The following DACH2 variants were observed in gnomAD, a reference collection of about 807,000 sequenced individuals.
The protein encoded by DACH2 is dachshund family transcription factor 2.
In DACH2, 17 loss-of-function variants were observed where a neutral mutation model predicts 35.8. The observed-to-expected ratio is 0.48, with a 90% CI of 0.33 to 0.71. DACH2 has a LOEUF of 0.71. DACH2 is among the 30% of genes least tolerant of loss of function. The pLI is 0.02. For missense variants in DACH2, 469 were observed against 472.7 expected (o/e 0.99, Z 0.07); for synonymous variants, 195 against 177.3 (o/e 1.10, Z -0.79).
intron 3 of DACH2, among the ~76,000 whole-genome samples, chrX:86,578,611 G>A (rs778156016): frequency 9.0e-6 from 1 of 111,603 alleles, no homozygotes; most frequent in Admixed American, 9.5e-5. Context: ...CTGGTAGGTC[G>A]TTCCTTTTGT....
At chrX:86,154,455 T>C (rs2030474991) in intron 1 of DACH2, among the ~76,000 whole-genome samples, 1 of 111,495 alleles carries the variant, frequency 9.0e-6, no homozygotes, top group South Asian at 3.7e-4. Context: ...CCTTTCACCA[T>C]CTCAACCTGC....
chrX:86,714,713 T>C lies in DACH2; in HGVS notation c.1097T>C (p.Val366Ala). 2.6e-6 allele frequency: 3 copies of C among 1,167,258 alleles called. No individual in the cohort carries two copies. ...HSPLSRAGTSVIKERIPESPS... is the reference protein window; with the variant it reads ...HSPLSRAGTSAIKERIPESPS... ...CCACTCTCCAGAGCTGGTACCTCTG[T>C]TATAAAGGTAAGAATCGTGATTTAG... Residue 366 changes from valine (V) to alanine (A), a missense_variant, in exon 6 of 12, where the codon GTT (valine) becomes GCT (alanine). Coordinates refer to ENST00000373125, the MANE Select transcript of DACH2 (RefSeq NM_053281.3).
intron 3 of DACH2, among the ~76,000 whole-genome samples, chrX:86,594,114 T>C (rs2039683131): frequency 8.9e-6 from 1 of 112,031 alleles, no homozygotes; most frequent in Non-Finnish European, 1.9e-5. Context: ...TTCACCTATG[T>C]TATCAAATTT....
chrX:86,757,949 T>C (rs1376832392), intron 7 of DACH2, among the ~76,000 whole-genome samples: 1 of 112,163 alleles, frequency 8.9e-6, no homozygotes, highest in Non-Finnish European at 1.9e-5. Flanking sequence ...TCATTATGGG[T>C]CTGTTCAGCT....
chrX:86,527,057 G>T (rs1189686220), intron 3 of DACH2, among the ~76,000 whole-genome samples: 1 of 110,837 alleles, frequency 9.0e-6, no homozygotes, highest in East Asian at 2.9e-4. Flanking sequence ...ATATTAAATT[G>T]AGGTGAGGGT....
intron 3 of DACH2, among the ~76,000 whole-genome samples, chrX:86,592,331 G>A (rs185505697): frequency 4.8e-4 from 53 of 111,452 alleles, no homozygotes; most frequent in Non-Finnish European, 9.2e-4. Flanking sequence ...ATATTTGTGT[G>A]GGTCTATTTC....
chrX:86,413,528 G>C (rs751287006), intron 2 of DACH2, among the ~76,000 whole-genome samples: 7 of 112,131 alleles, frequency 6.2e-5, no homozygotes, highest in South Asian at 7.5e-4. Flanking sequence ...ATATCCATTT[G>C]TCTTCTGCAC....
intron 6 of DACH2, among the ~76,000 whole-genome samples, chrX:86,716,393 A>G (rs1040545398): frequency 8.9e-6 from 1 of 111,813 alleles, no homozygotes; most frequent in Admixed American, 9.5e-5. Context: ...TTGTGAAATT[A>G]TATTAAAAAG....
intron 2 of DACH2, among the ~76,000 whole-genome samples, chrX:86,505,764 G>C (rs933774058): frequency 1.8e-5 from 2 of 111,439 alleles, no homozygotes; most frequent in Admixed American, 9.6e-5. Context: ...ATTTTCCATA[G>C]GACCAATCCT....
chrX:86,310,313 G>A (rs1033477153), intron 1 of DACH2, among the ~76,000 whole-genome samples: 1 of 111,756 alleles, frequency 8.9e-6, no homozygotes, highest in Non-Finnish European at 1.9e-5. Context: ...GGAGGCACAA[G>A]TAAATTACAT....
intron 7 of DACH2, among the ~76,000 whole-genome samples, chrX:86,788,305 T>C (rs1394077549): frequency 5.4e-5 from 6 of 110,787 alleles, no homozygotes; most frequent in Non-Finnish European, 1.1e-4. Flanking sequence ...TTTCTATCTA[T>C]TGGGAGACTG....
At position 86,676,729 on chromosome X, in the gene DACH2, T is replaced by C. The variant is rs1027662713; in HGVS notation, c.773-18292T>C. 2.7e-5 allele frequency among the ~76,000 whole-genome samples: 3 copies of C among 112,158 alleles called. No individual in the cohort carries two copies. The East Asian group carries it at 8.4e-4, about 31-fold the overall frequency. On this transcript the variant is annotated intron_variant, in intron 4 of 11. Transcript: ENST00000373125. ...CCATAAAGAGTCCTCATACTGCATG[T>C]ATATGCCTGAATTGATCAACATTTG... is the stretch of plus-strand genomic sequence containing the variant.
intron 7 of DACH2, among the ~76,000 whole-genome samples, chrX:86,802,978 AAT>A (rs2042309146): frequency 8.9e-6 from 1 of 112,039 alleles, no homozygotes; most frequent in African/African-American, 3.2e-5. Context: ...GCACTCATAA[AAT>A]GTTATTTTTT....
At chrX:86,215,600 C>T (rs752336498) in intron 1 of DACH2, among the ~76,000 whole-genome samples, 1 of 97,125 alleles carries the variant, frequency 1.0e-5, no homozygotes, top group African/African-American at 3.4e-5. Context: ...TACCTAGTTT[C>T]CTTTGATTGA....
intron 1 of DACH2, among the ~76,000 whole-genome samples, chrX:86,290,757 G>T (rs1277382475): frequency 1.1e-5 from 1 of 94,973 alleles, no homozygotes; most frequent in Non-Finnish European, 2.0e-5. Context: ...ATTTCTGAGG[G>T]CTCTGTTCTG....
At chrX:86,588,190 C>CT (rs1483883925) in intron 3 of DACH2, among the ~76,000 whole-genome samples, 1 of 110,232 alleles carries the variant, frequency 9.1e-6, no homozygotes, top group African/African-American at 3.3e-5. Flanking sequence ...GGGGTGCAGC[C>CT]TTTTTTCTAG....
At chrX:86,722,709 A>G (rs1378969219) in intron 6 of DACH2, among the ~76,000 whole-genome samples, 3 of 111,007 alleles carry the variant, frequency 2.7e-5, no homozygotes, top group Non-Finnish European at 5.7e-5. Flanking sequence ...ATCATTATAT[A>G]TTATCTTTTT....
chrX:86,284,470 A>G (rs2034104424), intron 1 of DACH2, among the ~76,000 whole-genome samples: 1 of 111,203 alleles, frequency 9.0e-6, no homozygotes, highest in Non-Finnish European at 1.9e-5. Context: ...TTTTACGTTT[A>G]TTGTTGAATT....
intron 2 of DACH2, among the ~76,000 whole-genome samples, chrX:86,407,997 G>A (rs774971770): frequency 9.0e-6 from 1 of 110,911 alleles, no homozygotes; most frequent in East Asian, 2.8e-4. Flanking sequence ...GTAAATGGCA[G>A]ATTTGGGACT....
Sources: gnomAD v4.1 joint callset for allele counts (sites outside exome capture counted in the v4.1 genomes callset) on GRCh38, gnomAD v4.1.1 for gene constraint, MANE v1.5 for transcripts, NCBI Gene and HGNC (gene_info 2026-07-23, HGNC 2026-07-21) for gene names.